NEGR1: variants seen among roughly 807,000 people sequenced by gnomAD.
NEGR1 encodes the protein neuronal growth regulator 1.
In NEGR1, 10 loss-of-function variants were observed where a neutral mutation model predicts 40.9. The observed-to-expected ratio is 0.24, with a 90% CI of 0.15 to 0.42. The LOEUF (loss-of-function observed/expected upper bound fraction) is 0.42. Among genes scored for constraint, NEGR1 ranks in the 10% least tolerant of loss-of-function variants. The pLI is 1.00. For missense variants in NEGR1, 352 were observed against 438.9 expected, an observed-to-expected ratio of 0.80 and a Z score of 1.77; for synonymous variants, 185 against 166.8, an observed-to-expected ratio of 1.11 and a Z score of -0.84.
At chr1:72,021,023 C>T (rs1236751566) in intron 1 of NEGR1, among the ~76,000 whole-genome samples, 1 of 152,078 alleles carries the variant, frequency 6.6e-6, no homozygotes, top group Non-Finnish European at 1.5e-5. Context: ...TTCCAAGAAC[C>T]ACTGAAACAT....
chr1:71,915,311 T>C (rs868068637), intron 2 of NEGR1, among the ~76,000 whole-genome samples: 4 of 152,048 alleles, frequency 2.6e-5, no homozygotes, highest in Middle Eastern at 3.2e-3. Context: ...CACTAAAGAA[T>C]AGAAAAAATA....
intron 2 of NEGR1, among the ~76,000 whole-genome samples, chr1:71,793,845 A>G (rs1026208587): frequency 6.6e-6 from 1 of 152,132 alleles, no homozygotes; most frequent in Non-Finnish European, 1.5e-5. Flanking sequence ...CATTATATAA[A>G]AATACTATAA....
intron 5 of NEGR1, among the ~76,000 whole-genome samples, chr1:71,609,288 G>C (rs1267678510): frequency 2.6e-5 from 4 of 151,546 alleles, no homozygotes. Context: ...GGCCGAGGCG[G>C]GTGGATCACA....
chr1:71,961,367 T>C (rs1646164390), intron 1 of NEGR1, among the ~76,000 whole-genome samples: 1 of 152,162 alleles, frequency 6.6e-6, no homozygotes, highest in African/African-American at 2.4e-5. Flanking sequence ...ATTCTACATT[T>C]ATAGATGACA....
At chr1:71,529,697 G>A (rs1009459949) in intron 6 of NEGR1, among the ~76,000 whole-genome samples, 5 of 150,968 alleles carry the variant, frequency 3.3e-5, no homozygotes, top group South Asian at 2.1e-4. Flanking sequence ...TTTTTAGCTC[G>A]ATGGCCATTG....
chr1:72,015,291 T>C (rs1043678204), intron 1 of NEGR1, among the ~76,000 whole-genome samples: 2 of 152,136 alleles, frequency 1.3e-5, no homozygotes, highest in Non-Finnish European at 2.9e-5. Flanking sequence ...TTCAGCTTTG[T>C]CTTTTTAAAA....
intron 2 of NEGR1, among the ~76,000 whole-genome samples, chr1:71,908,636 C>G (rs1373332151): frequency 6.6e-6 from 1 of 152,170 alleles, no homozygotes; most frequent in East Asian, 1.9e-4. Context: ...CTGTTACTTG[C>G]TCTATGAGTT....
At chr1:72,036,526 C>T (rs1450840716) in intron 1 of NEGR1, among the ~76,000 whole-genome samples, 3 of 151,514 alleles carry the variant, frequency 2.0e-5, no homozygotes, top group Admixed American at 6.6e-5. Flanking sequence ...CATGGTGGTG[C>T]GCGCCTGTAA....
chr1:71,587,434 G>A (rs1163079594), intron 6 of NEGR1, among the ~76,000 whole-genome samples: 1 of 140,228 alleles, frequency 7.1e-6, no homozygotes, highest in Non-Finnish European at 1.6e-5. Context: ...CATTAAACAG[G>A]CTGGGAAGAA....
intron 1 of NEGR1, among the ~76,000 whole-genome samples, chr1:72,225,258 AT>A (rs1256350514): frequency 5.9e-5 from 9 of 151,942 alleles, no homozygotes; most frequent in Non-Finnish European, 5.9e-5. Flanking sequence ...AGTCCTCCTG[AT>A]TTGAGTATCT....
At chr1:72,089,895 T>A (rs1381663401) in intron 1 of NEGR1, among the ~76,000 whole-genome samples, 1 of 152,110 alleles carries the variant, frequency 6.6e-6, no homozygotes, top group Non-Finnish European at 1.5e-5. Context: ...GGATTTGTGG[T>A]ACGGAGATTT....
intron 4 of NEGR1, among the ~76,000 whole-genome samples, chr1:71,641,967 C>G (rs1356732045): frequency 6.6e-6 from 1 of 151,988 alleles, no homozygotes; most frequent in Non-Finnish European, 1.5e-5. Context: ...TAGGATGATC[C>G]ATATGCTTGG....
intron 1 of NEGR1, among the ~76,000 whole-genome samples, chr1:72,182,778 GTATA>G (rs10546486): frequency 0.09 from 13,157 of 146,368 alleles, 1,809 homozygotes; most frequent in African/African-American, 0.3. Context: ...GTGTGCGTGT[GTATA>G]TATATATATA....
At chr1:72,218,663 C>T (rs1017273859) in intron 1 of NEGR1, among the ~76,000 whole-genome samples, 3 of 151,524 alleles carry the variant, frequency 2.0e-5, no homozygotes, top group Non-Finnish European at 4.4e-5. Flanking sequence ...ATGCCAGACT[C>T]ATCACAACAC....
intron 3 of NEGR1, among the ~76,000 whole-genome samples, chr1:71,724,119 T>C (rs2101656518): frequency 6.6e-6 from 1 of 152,296 alleles, no homozygotes; most frequent in South Asian, 2.1e-4. Context: ...GATTACAGTG[T>C]TTGAAATTGT....
At chr1:71,520,134 C>T (rs961481994) in intron 6 of NEGR1, among the ~76,000 whole-genome samples, 26 of 151,894 alleles carry the variant, frequency 1.7e-4, no homozygotes, top group Non-Finnish European at 2.9e-5. Flanking sequence ...GAACTCTGAC[C>T]ATACTTATTA....
At chr1:71,749,199 G>A (rs1032874386) in intron 3 of NEGR1, among the ~76,000 whole-genome samples, 1 of 152,096 alleles carries the variant, frequency 6.6e-6, no homozygotes, top group African/African-American at 2.4e-5. Flanking sequence ...ACTTTTTCCT[G>A]TTATCACTAT....
chr1:71,700,340 C>T (rs188083311), intron 3 of NEGR1, among the ~76,000 whole-genome samples: 1 of 151,974 alleles, frequency 6.6e-6, no homozygotes. Flanking sequence ...AACCTACATG[C>T]CTTATTTGTA....
intron 6 of NEGR1, among the ~76,000 whole-genome samples, chr1:71,528,013 C>G (rs1402573846): frequency 6.6e-6 from 1 of 151,212 alleles, no homozygotes; most frequent in Non-Finnish European, 1.5e-5. Context: ...TGTCAGGAAA[C>G]TAACTTCTGT....
Sources: allele counts gnomAD v4.1 joint callset (sites outside exome capture counted in the v4.1 genomes callset), GRCh38; gene constraint gnomAD v4.1.1; transcripts MANE v1.5; gene names NCBI Gene and HGNC (gene_info 2026-07-23, HGNC 2026-07-21).